Variants in STXBP5L observed in about 807,000 individuals in gnomAD.
STXBP5L encodes syntaxin-binding protein 5-like.
In STXBP5L, 65 loss-of-function variants were observed where a neutral mutation model predicts 144.5. The observed-to-expected ratio is 0.45, with a 90% CI of 0.37 to 0.55. The LOEUF is 0.55. Among genes scored for constraint, STXBP5L ranks in the 20% least tolerant of loss-of-function variants. STXBP5L has a pLI of 0.00. For missense variants in STXBP5L, 1,298 were observed against 1,405.5 expected (o/e 0.92, Z 1.22); for synonymous variants, 505 against 469.6 (o/e 1.08, Z -0.97).
chr3:121,145,111 C>A (rs2331538), intron 7 of STXBP5L, among the ~76,000 whole-genome samples: 77,408 of 151,502 alleles, frequency 0.51, 20,227 homozygotes, highest in Admixed American at 0.6. Context: ...TCTAGAGTCA[C>A]CAGTAATGTA....
chr3:121,320,820 C>T (rs1336834904), intron 20 of STXBP5L, among the ~76,000 whole-genome samples: 3 of 151,930 alleles, frequency 2.0e-5, no homozygotes, highest in Admixed American at 1.3e-4. Flanking sequence ...CCTGCCTCAG[C>T]CTCCCAAGTA....
At chr3:121,300,188 A>T (rs2051833409) in intron 19 of STXBP5L, among the ~76,000 whole-genome samples, 1 of 152,094 alleles carries the variant, frequency 6.6e-6, no homozygotes, top group African/African-American at 2.4e-5. Flanking sequence ...AGTGCTAGAG[A>T]AAAACAACTG....
intron 3 of STXBP5L, among the ~76,000 whole-genome samples, chr3:120,992,199 G>T (rs373442107): frequency 6.6e-6 from 1 of 151,926 alleles, no homozygotes; most frequent in Non-Finnish European, 1.5e-5. Flanking sequence ...TATTTATGGA[G>T]CATAGGCAAT....
At chr3:121,025,724 A>T (rs1260214873) in intron 3 of STXBP5L, among the ~76,000 whole-genome samples, 2 of 151,718 alleles carry the variant, frequency 1.3e-5, no homozygotes, top group Admixed American at 1.3e-4. Flanking sequence ...ACATGGGATT[A>T]TATTAGTTGT....
chr3:121,093,500 G>T (rs1367915548), intron 5 of STXBP5L, among the ~76,000 whole-genome samples: 1 of 152,106 alleles, frequency 6.6e-6, no homozygotes, highest in East Asian at 1.9e-4. Flanking sequence ...TTTAGTCTTG[G>T]GAGGGTATAT....
intron 2 of STXBP5L, among the ~76,000 whole-genome samples, chr3:120,923,918 T>G (rs1352643646): frequency 2.0e-5 from 3 of 151,842 alleles, no homozygotes; most frequent in African/African-American, 7.3e-5. Context: ...TGTCCGTTAC[T>G]GAGAGAGATT....
chr3:121,334,901 C>T (rs1320608680), intron 20 of STXBP5L, among the ~76,000 whole-genome samples: 1 of 152,084 alleles, frequency 6.6e-6, no homozygotes, highest in Non-Finnish European at 1.5e-5. Context: ...AAAACTGGCA[C>T]AAGTATGCTC....
intron 19 of STXBP5L, among the ~76,000 whole-genome samples, chr3:121,290,423 CAACAAAAA>C (rs1442471519): frequency 2.6e-5 from 4 of 151,456 alleles, no homozygotes; most frequent in Admixed American, 6.6e-5. Flanking sequence ...AAATTGCCAA[CAACAAAAA>C]AAGTCCAGGA....
chr3:121,097,131 A>G (rs1330760696), intron 5 of STXBP5L, among the ~76,000 whole-genome samples: 1 of 152,056 alleles, frequency 6.6e-6, no homozygotes, highest in Admixed American at 6.5e-5. Flanking sequence ...TTACTCTGTG[A>G]GCTTAAAACT....
At chr3:120,946,043 TA>T (rs764733131) in intron 2 of STXBP5L, among the ~76,000 whole-genome samples, 8 of 151,840 alleles carry the variant, frequency 5.3e-5, no homozygotes, top group Non-Finnish European at 8.8e-5. Context: ...AAGCCATATT[TA>T]TTTTTTTCAT....
chr3:121,159,263 A>G (rs942984441), intron 9 of STXBP5L, among the ~76,000 whole-genome samples: 1 of 151,990 alleles, frequency 6.6e-6, no homozygotes, highest in Admixed American at 6.6e-5. Context: ...TCCTATTATA[A>G]TTCTCCTTTG....
At chr3:121,259,418 GTGT>G in intron 18 of STXBP5L, among the ~76,000 whole-genome samples, 1 of 152,016 alleles carries the variant, frequency 6.6e-6, no homozygotes, top group Middle Eastern at 3.2e-3. Context: ...CACTTAAACT[GTGT>G]TGTTTGTTTT....
At position 121,075,345 on chromosome 3, in the gene STXBP5L, CTG is replaced by C. The variant is rs1479351020; in HGVS notation, c.470+29813_470+29814del. ...TTGCCTAGCTAGTCCTCTACCATGA[CTG>C]TGACCATGACCACGTCCTCTCACAA... On this transcript the variant is annotated intron_variant, in intron 5 of 26. Coordinates refer to ENST00000471454, the MANE Select transcript of STXBP5L (RefSeq NM_001308330.2). 3.3e-5 allele frequency among the ~76,000 whole-genome samples: 5 copies of C among 152,276 alleles called. No homozygotes were observed. In the East Asian group the frequency reaches 9.7e-4, roughly 29 times the overall value.
chr3:121,403,798 C>A (rs1333202980), intron 22 of STXBP5L, among the ~76,000 whole-genome samples: 2 of 152,150 alleles, frequency 1.3e-5, no homozygotes, highest in Non-Finnish European at 2.9e-5. Context: ...CACAGGCTAC[C>A]ATTCCTACCT....
intron 3 of STXBP5L, among the ~76,000 whole-genome samples, chr3:120,971,656 C>T (rs1940270200): frequency 6.6e-6 from 1 of 151,752 alleles, no homozygotes; most frequent in Admixed American, 6.6e-5. Flanking sequence ...CACACACACA[C>T]ACACACATAT....
At chr3:121,082,487 C>T (rs1483948575) in intron 5 of STXBP5L, among the ~76,000 whole-genome samples, 1 of 152,166 alleles carries the variant, frequency 6.6e-6, no homozygotes, top group Non-Finnish European at 1.5e-5. Context: ...CAGGCAGAGG[C>T]AGCTTTATCT....
intron 3 of STXBP5L, among the ~76,000 whole-genome samples, chr3:121,025,876 TTATTTATA>T (rs1945890789): frequency 6.8e-6 from 1 of 146,788 alleles, no homozygotes; most frequent in Non-Finnish European, 1.5e-5. Context: ...TATATTATAA[TTATTTATA>T]TATTTATAAT....
intron 20 of STXBP5L, among the ~76,000 whole-genome samples, chr3:121,365,539 A>G (rs2045840721): frequency 1.3e-5 from 2 of 151,568 alleles, no homozygotes; most frequent in South Asian, 2.1e-4. Flanking sequence ...TTTCATCTAG[A>G]TTATGCAATT....
intron 5 of STXBP5L, among the ~76,000 whole-genome samples, chr3:121,112,812 T>C (rs2044052499): frequency 6.6e-6 from 1 of 152,184 alleles, no homozygotes; most frequent in South Asian, 2.1e-4. Context: ...AGAAATAAGT[T>C]ACAAATGAAA....
Sources: allele counts gnomAD v4.1 joint callset (sites outside exome capture counted in the v4.1 genomes callset), GRCh38; gene constraint gnomAD v4.1.1; transcripts MANE v1.5; gene names NCBI Gene and HGNC (gene_info 2026-07-23, HGNC 2026-07-21).